The following TRAPPC9 variants were observed in gnomAD, a reference collection of about 807,000 sequenced individuals.
TRAPPC9 encodes trafficking protein particle complex subunit 9, also known as IKK2 binding protein.
A neutral mutation model predicts 124.0 loss-of-function variants in TRAPPC9; 83 were observed. The ratio of observed to expected loss-of-function variants is 0.67; its 90% CI spans 0.56 to 0.80. The LOEUF (loss-of-function observed/expected upper bound fraction) is 0.80. TRAPPC9 is among the 30% of genes least tolerant of loss of function. The probability of loss-of-function intolerance (pLI) is 0.00; values close to 1 mark genes in which losing one functional copy is unlikely to be tolerated. For synonymous variants in TRAPPC9, 638 were observed against 617.5 expected, an observed-to-expected ratio of 1.03 and a Z score of -0.49; for missense variants, 1,302 against 1,508.3, an observed-to-expected ratio of 0.86 and a Z score of 2.27.
intron 5 of TRAPPC9, among the ~76,000 whole-genome samples, chr8:140,413,463 C>T (rs1191747330): frequency 6.6e-6 from 1 of 151,034 alleles, no homozygotes; most frequent in East Asian, 1.9e-4. Flanking sequence ...TCAGGCCAGC[C>T]TTTGGCTTTA....
chr8:140,027,065 G>A (rs1450104315), intron 17 of TRAPPC9, among the ~76,000 whole-genome samples: 1 of 152,084 alleles, frequency 6.6e-6, no homozygotes, highest in Non-Finnish European at 1.5e-5. Flanking sequence ...CACTCAATAA[G>A]TCTTTCTGTC....
rs76281639 is a variant in TRAPPC9, at chr8:140,426,041, T to C, written c.886+574A>G. 8.1e-3 allele frequency among the ~76,000 whole-genome samples: 1,229 copies of C among 152,364 alleles called. 17 individuals carry two copies. The highest frequency in any genetic ancestry group is 0.028 in the African/African-American group (1,179 of 41,590). On this transcript the variant is annotated intron_variant, in intron 5 of 22. Coordinates refer to ENST00000438773, the MANE Select transcript of TRAPPC9 (RefSeq NM_001160372.4). ...CATCTGATTTCAATTCTAGACTGTT[T>C]TCATTTTGTATTATTTACCCTGTCA...
In TRAPPC9 at chr8:140,165,372, A is replaced by T. The variant is rs1435052589; in HGVS notation, c.2556+56087T>A. Among the ~76,000 whole-genome samples the T allele has an allele frequency of 3.4e-5, 5 of 147,034 alleles. No homozygotes were observed. In the Admixed American group the frequency reaches 3.4e-4, roughly 10 times the overall value. On this transcript the variant is annotated intron_variant, in intron 17 of 22. Coordinates refer to ENST00000438773, the MANE Select transcript of TRAPPC9 (RefSeq NM_001160372.4). ...AATAAAAATAAAAACAAAATAAAAT[A>T]ATAAAAATACAAAAAAATTAGCCAG...
intron 6 of TRAPPC9, among the ~76,000 whole-genome samples, chr8:140,403,431 T>TAA (rs34616687): frequency 0.034 from 4,807 of 142,486 alleles, 243 homozygotes; most frequent in African/African-American, 0.11. Context: ...TCTGTCTCCA[T>TAA]AAAAAAAAAA....
At chr8:139,928,861 G>A (rs1832956211) in intron 19 of TRAPPC9, among the ~76,000 whole-genome samples, 1 of 151,446 alleles carries the variant, frequency 6.6e-6, no homozygotes, top group Non-Finnish European at 1.5e-5. Context: ...CAGGTGTTTG[G>A]AGAGGAAGAA....
At chr8:139,967,198 C>T (rs1005869419) in intron 19 of TRAPPC9, among the ~76,000 whole-genome samples, 3 of 152,174 alleles carry the variant, frequency 2.0e-5, no homozygotes, top group Non-Finnish European at 4.4e-5. Flanking sequence ...AAGCAGAATG[C>T]TCATGAGCAA....
chr8:139,940,878 G>T (rs1016240588), intron 19 of TRAPPC9, among the ~76,000 whole-genome samples: 10 of 152,246 alleles, frequency 6.6e-5, no homozygotes, highest in Non-Finnish European at 1.5e-4. Context: ...GCAGGGCGCT[G>T]GGCCAGGGTG....
chr8:139,875,396 T>C (rs1870810), intron 21 of TRAPPC9, among the ~76,000 whole-genome samples: 98,034 of 152,126 alleles, frequency 0.64, 31,606 homozygotes, highest in Middle Eastern at 0.69. Context: ...GATGGAACAC[T>C]GGGGGCCTGT....
chr8:139,929,256 G>A (rs187927426), intron 19 of TRAPPC9, among the ~76,000 whole-genome samples: 4 of 152,274 alleles, frequency 2.6e-5, no homozygotes, highest in East Asian at 1.9e-4. Context: ...TTTAAACAAC[G>A]ATGTCTCTAA....
At chr8:140,205,343 T>G (rs1372951164) in intron 17 of TRAPPC9, among the ~76,000 whole-genome samples, 2 of 152,232 alleles carry the variant, frequency 1.3e-5, no homozygotes, top group African/African-American at 4.8e-5. Flanking sequence ...GTTCATTTAT[T>G]TTTTGCTTTG....
intron 17 of TRAPPC9, among the ~76,000 whole-genome samples, chr8:140,174,761 G>A (rs912289874): frequency 6.6e-6 from 1 of 152,118 alleles, no homozygotes; most frequent in African/African-American, 2.4e-5. Flanking sequence ...TCCTTTTCTG[G>A]GCTGAAATAA....
intron 19 of TRAPPC9, among the ~76,000 whole-genome samples, chr8:139,965,682 T>G (rs1835651566): frequency 1.6e-5 from 1 of 61,358 alleles, no homozygotes; most frequent in Non-Finnish European, 4.9e-5. Context: ...AAACCTCTGC[T>G]TCCCTGTTCC....
chr8:140,045,059 A>G (rs1194427654), intron 17 of TRAPPC9, among the ~76,000 whole-genome samples: 1 of 152,208 alleles, frequency 6.6e-6, no homozygotes, highest in Non-Finnish European at 1.5e-5. Flanking sequence ...AACCAGAGCC[A>G]AGTCACCACC....
rs765201850 is a variant in TRAPPC9, at chr8:140,236,079, C to CTTTTTT, written c.2432-14502_2432-14497dup. Reference sequence around the variant, plus strand: ...AACAAAAGAAAGTACACTGTATTTCCTTTTTTTTTTTTTTTTTTTTTGAGA... The same window carrying CTTTTTT: ...AACAAAAGAAAGTACACTGTATTTCCTTTTTTTTTTTTTTTTTTTTTTTTTTTGAGA... On this transcript the variant is annotated intron_variant, in intron 16 of 22. Coordinates refer to ENST00000438773, the MANE Select transcript of TRAPPC9 (RefSeq NM_001160372.4). 4.5e-5 allele frequency among the ~76,000 whole-genome samples: 5 copies of CTTTTTT among 111,720 alleles called. 1 individual carries two copies. Among genetic ancestry groups the CTTTTTT allele is most frequent in the African/African-American group, 1.0e-4 (3 of 29,082 alleles). The allele number at this position is 111,720 out of a possible 152,430, so 73.3% of individuals were successfully genotyped here.
In TRAPPC9 at chr8:140,019,542, C is replaced by CTTTTTTTTTTTT. The variant is rs71320340; in HGVS notation, c.2699+4383_2699+4394dup. On this transcript the variant is annotated intron_variant, in intron 18 of 22. Coordinates refer to ENST00000438773, the MANE Select transcript of TRAPPC9 (RefSeq NM_001160372.4). ...CTGTGTCAATTTTAGTAATTTGTGT[C>CTTTTTTTTTTTT]TTTTTTTTTTTTTTTTTTTTTTTTT... Among the ~76,000 whole-genome samples, 4 of 43,860 alleles carry CTTTTTTTTTTTT rather than the reference C, an allele frequency of 9.1e-5. 1 individual carries two copies. The highest frequency in any genetic ancestry group is 1.6e-4 in the Non-Finnish European group (4 of 24,528). 28.8% of individuals were successfully genotyped at this position (43,860 alleles called of 152,430 possible).
chr8:139,860,437 T>G (rs1309036275), intron 21 of TRAPPC9, among the ~76,000 whole-genome samples: 1 of 152,214 alleles, frequency 6.6e-6, no homozygotes, highest in African/African-American at 2.4e-5. Flanking sequence ...GATCATTTGG[T>G]GAATGAATGG....
chr8:139,947,864 G>A (rs558483374), intron 19 of TRAPPC9, among the ~76,000 whole-genome samples: 18 of 95,078 alleles, frequency 1.9e-4, no homozygotes, highest in Non-Finnish European at 2.9e-4. Context: ...GCAAAATTCC[G>A]TCTCAAAAAA....
At chr8:140,209,195 C>T (rs1446101300) in intron 17 of TRAPPC9, among the ~76,000 whole-genome samples, 1 of 152,226 alleles carries the variant, frequency 6.6e-6, no homozygotes, top group Non-Finnish European at 1.5e-5. Context: ...GCAGGAGTCA[C>T]TCCCGTGTCT....
intron 21 of TRAPPC9, among the ~76,000 whole-genome samples, chr8:139,796,683 CTT>C (rs1823120637): frequency 1.3e-5 from 2 of 152,166 alleles, no homozygotes; most frequent in East Asian, 1.9e-4. Flanking sequence ...TATTTTCACT[CTT>C]TGGTTATTAT....
Sources: allele counts gnomAD v4.1 joint callset (sites outside exome capture counted in the v4.1 genomes callset), GRCh38; gene constraint gnomAD v4.1.1; transcripts MANE v1.5; gene names NCBI Gene and HGNC (gene_info 2026-07-23, HGNC 2026-07-21).